The following CAMTA2 variants were observed in gnomAD, a reference collection of about 807,000 sequenced individuals.
CAMTA2 encodes the protein calmodulin-binding transcription activator 2.
CAMTA2 carries 56 observed loss-of-function variants against 135.7 expected under a neutral mutation model. The observed-to-expected ratio is 0.41, with a 90% confidence interval of 0.33 to 0.52. The LOEUF (loss-of-function observed/expected upper bound fraction) is 0.52, where lower values mean the gene tolerates loss of function less well. Ranked by LOEUF, CAMTA2 falls within the 20% of genes least tolerant of loss-of-function variation. CAMTA2 has a pLI of 0.16. For synonymous variants in CAMTA2, 591 were observed against 604.6 expected, an observed-to-expected ratio of 0.98 and a Z score of 0.33; for missense variants, 1,358 against 1,553.4, an observed-to-expected ratio of 0.87 and a Z score of 2.11.
chr17:4,979,361 T>C (rs1972814929), intron 9 of CAMTA2: 1 of 181,722 alleles, frequency 5.5e-6, no homozygotes, highest in Admixed American at 5.9e-5. Flanking sequence ...AATACAAAAA[T>C]TAGCCGGGCG....
chr17:4,982,007 C>T, intron 6 of CAMTA2, 82 bp downstream of exon 6: 1 of 1,323,460 alleles, frequency 7.6e-7, no homozygotes, highest in Non-Finnish European at 1.1e-6. Flanking sequence ...AGAACTCAGC[C>T]ATCCTTTCAC....
At chr17:4,978,919 G>C (rs752990899) in intron 9 of CAMTA2, among the ~76,000 whole-genome samples, 2 of 152,132 alleles carry the variant, frequency 1.3e-5, no homozygotes, top group African/African-American at 2.4e-5. Context: ...TCTGTTCTTG[G>C]GCTAATTCAC....
In CAMTA2 at chr17:4,977,098, C is replaced by T. The variant is rs1972661689; in HGVS notation, c.1860G>A (p.Leu620=). The change falls in exon 11 of 23, where the codon CTG becomes CTA. Residue 620 remains leucine (L), a synonymous_variant. Coordinates refer to ENST00000348066, the MANE Select transcript of CAMTA2 (RefSeq NM_015099.4). ...VLFEYRARRF[L]SLPSTQLDWL... ...AGTCAAGTTGAGTACTAGGCAGAGA[C>T]AGGAATCGGCGGGCTCGATACTCAA... is the stretch of plus-strand genomic sequence containing the variant. 2 of 1,614,016 alleles carry T rather than the reference C, an allele frequency of 1.2e-6. No individual in the cohort carries two copies. Among genetic ancestry groups the T allele is most frequent in the South Asian group, 1.1e-5 (1 of 91,084 alleles).
rs757080580 is a variant in CAMTA2 at position 4,983,050 on chromosome 17, G to A, written c.136-7C>T. On this transcript the variant is annotated splice_polypyrimidine_tract_variant and splice_region_variant and intron_variant, in intron 3 of 22. Coordinates refer to ENST00000348066, the MANE Select transcript of CAMTA2 (RefSeq NM_015099.4). Reference sequence around the variant, plus strand: ...TCAGGTAGGATGCAATCTCCTGTAGGAGAGGAGGCACTCAGCTGGGCATCT... The same window carrying A: ...TCAGGTAGGATGCAATCTCCTGTAGAAGAGGAGGCACTCAGCTGGGCATCT... 1.2e-6 allele frequency: 2 copies of A among 1,613,032 alleles called. No homozygotes were observed. The highest frequency in any genetic ancestry group is 1.1e-5 in the South Asian group (1 of 91,030).
Position 4,968,615 on chromosome 17 carries a change from AGGAG to A in CAMTA2, c.*137_*140del. On this transcript the variant is annotated 3_prime_UTR_variant, in exon 23 of 23. Coordinates refer to ENST00000348066, the MANE Select transcript of CAMTA2 (RefSeq NM_015099.4). ...AGGGGTGTGGGAGCAAGGCGTGGGG[AGGAG>A]GGAGGAGGCCTACAGAGGGCTCCAA... 1.2e-6 allele frequency: 1 copy of A among 816,686 alleles called. No individual in the cohort carries two copies. Among genetic ancestry groups the A allele is most frequent in the South Asian group, 1.5e-5 (1 of 67,382 alleles). 50.6% of individuals were successfully genotyped at this position (816,686 alleles called of 1,614,324 possible).
intron 4 of CAMTA2, 24 bp downstream of exon 4, chr17:4,982,952 C>A (rs776328285): frequency 6.2e-7 from 1 of 1,614,100 alleles, no homozygotes; most frequent in Non-Finnish European, 8.5e-7. Flanking sequence ...CCTGCCACTC[C>A]CCCATGTTCT....
rs1972439747 is a variant in CAMTA2, at chr17:4,973,630, G to A, written c.2156C>T (p.Ala719Val). ...GATGAGGCGGGCATAGCCCTGGGCA[G>A]CAGCCAGGTGCAGAAGGCTCATGCC... ...FRGMSLLHLA[A>V]AQGYARLIET... is the part of the protein sequence containing the mutation. Residue 719 changes from alanine (A) to valine (V), a missense_variant, in exon 13 of 23, where the codon GCT becomes GTT. Transcript: ENST00000348066. The A allele has an allele frequency of 3.7e-6, 6 of 1,613,820 alleles. No individual in the cohort carries two copies. The highest frequency in any genetic ancestry group is 5.1e-6 in the Non-Finnish European group (6 of 1,179,912).
chr17:4,978,108 G>C (rs1972729516), intron 10 of CAMTA2, among the ~76,000 whole-genome samples: 1 of 152,218 alleles, frequency 6.6e-6, no homozygotes, highest in Admixed American at 6.5e-5. Flanking sequence ...ACTGGTTAGA[G>C]GAAACCCACA....
intron 16 of CAMTA2, among the ~76,000 whole-genome samples, chr17:4,970,961 C>A (rs1055362768): frequency 6.6e-6 from 1 of 152,238 alleles, no homozygotes; most frequent in African/African-American, 2.4e-5. Flanking sequence ...TGGCTCCAGT[C>A]TGGCCTTTGC....
At position 4,969,457 on chromosome 17, in the gene CAMTA2, C is replaced by T; in HGVS notation, c.3282+43G>A. On this transcript the variant is annotated intron_variant, in intron 20 of 22. Transcript: ENST00000348066. The surrounding 1 kb of genome is among the most constrained non-coding windows in gnomAD (Gnocchi z 5.6). Reference sequence around the variant, plus strand: ...TGTAACCCACACACTCAAGGAAAGACTGAATCATCACAGACCTCACACTCA... The same window carrying T: ...TGTAACCCACACACTCAAGGAAAGATTGAATCATCACAGACCTCACACTCA... 6.2e-7 allele frequency: 1 copy of T among 1,612,976 alleles called. No individual in the cohort carries two copies. Among genetic ancestry groups the T allele is most frequent in the South Asian group, 1.1e-5 (1 of 91,050 alleles).
rs1475523287 is a variant in CAMTA2 at position 4,981,208 on chromosome 17, G to C, written c.700+17C>G. On this transcript the variant is annotated intron_variant, in intron 8 of 22. Transcript: ENST00000348066. ...GGCTAGGTGGGAAGACAGCCAAAAGGTCAGGGAGTAACTTACCAAGCCCCC... is the reference window on the plus strand; with the variant it reads ...GGCTAGGTGGGAAGACAGCCAAAAGCTCAGGGAGTAACTTACCAAGCCCCC... 6.2e-7 allele frequency: 1 copy of C among 1,612,202 alleles called. No homozygotes were observed. Among genetic ancestry groups the C allele is most frequent in the South Asian group, 1.1e-5 (1 of 90,940 alleles).
intron 4 of CAMTA2, 42 bp from the exon 5 acceptor site, chr17:4,982,934 C>G (rs1249075752): frequency 6.2e-7 from 1 of 1,614,022 alleles, no homozygotes; most frequent in African/African-American, 1.3e-5. Context: ...TGAACAGAAC[C>G]CAGGACCCCT....
intron 9 of CAMTA2, 118 bp downstream of exon 9, chr17:4,979,566 G>A (rs905072603): frequency 4.9e-6 from 3 of 609,860 alleles, no homozygotes; most frequent in Non-Finnish European, 8.6e-6. Flanking sequence ...AGCCTAAGAA[G>A]CCATGAAAAC....
chr17:4,987,454 A>G lies in CAMTA2; in HGVS notation c.-65+139T>C. 4 of 1,371,886 alleles carry G rather than the reference A, an allele frequency of 2.9e-6. No individual in the cohort carries two copies. In the South Asian group the frequency reaches 4.9e-5, roughly 17 times the overall value. 85.0% of individuals were successfully genotyped at this position (1,371,886 alleles called of 1,614,324 possible). A position where few individuals can be genotyped will look rare whatever the true frequency, so the allele number is the denominator to read the frequency against. ...TGAGCGGCGCCCCCTGGCGCGGGGG[A>G]GGAGGACGGAAGCGGGAGGTGAGGG... On this transcript the variant is annotated intron_variant, in intron 1 of 22. Transcript: ENST00000348066.
rs1972101447 is a variant in CAMTA2 at position 4,969,155 on chromosome 17, G to T, written c.3465C>A (p.Arg1155=). ...PHRTSATLPA[R]NKGSFLTKKQ... ...GGGCTGGGGCTGGGCCCTACTTGTT[G>T]CGGGCAGGCAGGGTGGCCGAAGTCC... The change falls in exon 21 of 23, where the codon CGC becomes CGA. Residue 1155 remains arginine (R), a synonymous_variant. Coordinates refer to ENST00000348066, the MANE Select transcript of CAMTA2 (RefSeq NM_015099.4). The surrounding 1 kb of genome is among the most constrained non-coding windows in gnomAD (Gnocchi z 5.6). 2.5e-6 allele frequency: 4 copies of T among 1,605,874 alleles called. No homozygotes were observed. Among genetic ancestry groups the T allele is most frequent in the Non-Finnish European group, 1.7e-6 (2 of 1,177,510 alleles).
rs1333352763 is a variant in CAMTA2, at chr17:4,969,133, C to T, written c.3470+17G>A. On this transcript the variant is annotated intron_variant, in intron 21 of 22. Coordinates refer to ENST00000348066, the MANE Select transcript of CAMTA2 (RefSeq NM_015099.4). This position sits in a 1 kb window ranked among gnomAD's most constrained non-coding sequence, Gnocchi z 5.6. ...GGATGCAGTGGGTGGGCACAGAGGG[C>T]TGGGGCTGGGCCCTACTTGTTGCGG... 6.3e-7 allele frequency: 1 copy of T among 1,599,820 alleles called. No homozygotes were observed. The highest frequency in any genetic ancestry group is 8.5e-7 in the Non-Finnish European group (1 of 1,174,602).
chr17:4,983,491 G>C (rs945480476), intron 3 of CAMTA2, among the ~76,000 whole-genome samples: 1 of 151,950 alleles, frequency 6.6e-6, no homozygotes, highest in Non-Finnish European at 1.5e-5. Context: ...CACCATGTTG[G>C]TAAGGCTGGT....
At position 4,981,847 on chromosome 17, in the gene CAMTA2, GAC is replaced by G; in HGVS notation, c.412-18_412-17del. ...TGTCAGGGTTCTGAGAGTATAAGGGGACACACAGAGCCATGGGGTCCTGAGGT... is the reference window on the plus strand; with the variant it reads ...TGTCAGGGTTCTGAGAGTATAAGGGGACACAGAGCCATGGGGTCCTGAGGT... On this transcript the variant is annotated splice_polypyrimidine_tract_variant and intron_variant, in intron 6 of 22. Transcript: ENST00000348066. The G allele has an allele frequency of 7.6e-6, 12 of 1,582,152 alleles. No homozygotes were observed. The highest frequency in any genetic ancestry group is 1.0e-5 in the Non-Finnish European group (12 of 1,161,012).
rs771911369 is a variant in CAMTA2, at chr17:4,986,272, G to A, written c.-50C>T. The A allele has an allele frequency of 6.1e-6, 9 of 1,473,118 alleles. No individual in the cohort carries two copies. Among genetic ancestry groups the A allele is most frequent in the South Asian group, 5.8e-5 (5 of 86,016 alleles). The allele number at this position is 1,473,118 out of a possible 1,614,324, so 91.3% of individuals were successfully genotyped here. A position where few individuals can be genotyped will look rare whatever the true frequency, so the allele number is the denominator to read the frequency against. On this transcript the variant is annotated 5_prime_UTR_variant, in exon 2 of 23. Coordinates refer to ENST00000348066, the MANE Select transcript of CAMTA2 (RefSeq NM_015099.4). ...CACCCCCGGCCTGAGGGGCCGGGGG[G>A]AGGGGGAGTCTGTGCTGGGAAGGGA...
Sources: allele counts gnomAD v4.1 joint callset (sites outside exome capture counted in the v4.1 genomes callset), GRCh38; gene constraint gnomAD v4.1.1; non-coding constraint Gnocchi (gnomAD v3.1); transcripts MANE v1.5; gene names NCBI Gene and HGNC (gene_info 2026-07-23, HGNC 2026-07-21).